ZEB1: variants seen among roughly 807,000 people sequenced by gnomAD.
ZEB1 encodes the protein zinc finger E-box-binding homeobox 1.
ZEB1 carries 21 observed loss-of-function variants against 84.9 expected under a neutral mutation model. The ratio of observed to expected loss-of-function variants is 0.25; its 90% CI spans 0.18 to 0.36. ZEB1 has a LOEUF of 0.36. Among genes scored for constraint, ZEB1 ranks in the 10% least tolerant of loss-of-function variants. The pLI is 1.00. For missense variants in ZEB1, 1,104 were observed against 1,330.2 expected, an observed-to-expected ratio of 0.83 and a Z score of 2.65; for synonymous variants, 420 against 471.1, an observed-to-expected ratio of 0.89 and a Z score of 1.41.
intron 2 of ZEB1, among the ~76,000 whole-genome samples, chr10:31,475,383 T>C (rs963454775): frequency 6.6e-6 from 1 of 152,142 alleles, no homozygotes; most frequent in African/African-American, 2.4e-5. Context: ...TTTGAGGGGA[T>C]AATTTAGGAA....
intron 8 of ZEB1, among the ~76,000 whole-genome samples, chr10:31,524,679 C>T (rs184271504): frequency 7.2e-4 from 109 of 151,744 alleles, no homozygotes; most frequent in African/African-American, 2.4e-3. Context: ...TTATTCTGTC[C>T]GCATTCATTT....
intron 1 of ZEB1, among the ~76,000 whole-genome samples, chr10:31,440,877 C>A (rs566959944): frequency 6.6e-6 from 1 of 152,138 alleles, no homozygotes; most frequent in Non-Finnish European, 1.5e-5. Context: ...TCAAGGAGAA[C>A]TACAAACCAC....
At chr10:31,340,185 A>G (rs183432982) in intron 1 of ZEB1, among the ~76,000 whole-genome samples, 4 of 152,258 alleles carry the variant, frequency 2.6e-5, no homozygotes, top group South Asian at 4.1e-4. Flanking sequence ...ATTGGGTTCA[A>G]TGAATTATCT....
intron 1 of ZEB1, among the ~76,000 whole-genome samples, chr10:31,353,796 T>TA (rs999114647): frequency 6.6e-6 from 1 of 152,208 alleles, no homozygotes; most frequent in African/African-American, 2.4e-5. Context: ...ATATTGGCAA[T>TA]ACATAGTTTT....
intron 2 of ZEB1, among the ~76,000 whole-genome samples, chr10:31,466,832 GAAGAT>G (rs1260496562): frequency 1.3e-5 from 2 of 152,072 alleles, no homozygotes; most frequent in East Asian, 3.9e-4. Flanking sequence ...AGTTTTTTGA[GAAGAT>G]AAAATCAACA....
At chr10:31,372,015 G>A (rs879637012) in intron 1 of ZEB1, among the ~76,000 whole-genome samples, 5 of 152,040 alleles carry the variant, frequency 3.3e-5, no homozygotes, top group Non-Finnish European at 7.4e-5. Flanking sequence ...ACATGCACAT[G>A]TATGTGAGAG....
At chr10:31,405,028 A>G (rs893602417) in intron 1 of ZEB1, among the ~76,000 whole-genome samples, 10 of 152,144 alleles carry the variant, frequency 6.6e-5, no homozygotes, top group Admixed American at 3.9e-4. Flanking sequence ...CTGAATTTTT[A>G]TTTTGCACTG....
chr10:31,465,922 G>C (rs894713948), intron 2 of ZEB1, among the ~76,000 whole-genome samples: 13 of 152,184 alleles, frequency 8.5e-5, no homozygotes, highest in African/African-American at 3.1e-4. Flanking sequence ...TAAGATGAAA[G>C]AGGAAGGTTG....
At chr10:31,349,360 C>T (rs954104493) in intron 1 of ZEB1, among the ~76,000 whole-genome samples, 3 of 152,136 alleles carry the variant, frequency 2.0e-5, no homozygotes, top group Non-Finnish European at 2.9e-5. Context: ...CTGGCTCTTA[C>T]GAATAATGCT....
intron 1 of ZEB1, among the ~76,000 whole-genome samples, chr10:31,346,037 A>G (rs2040248336): frequency 6.6e-6 from 1 of 152,188 alleles, no homozygotes; most frequent in Non-Finnish European, 1.5e-5. Context: ...TTACATCACA[A>G]GAGCTAGTTT....
intron 1 of ZEB1, among the ~76,000 whole-genome samples, chr10:31,446,000 CCT>C (rs1286657468): frequency 1.5e-5 from 2 of 131,600 alleles, no homozygotes. Flanking sequence ...GGTACCAGTT[CCT>C]CCTTGTACCT....
upstream of ZEB1, chr10:31,319,147 G>A (rs1196832391): frequency 8.1e-6 from 7 of 863,540 alleles, 1 homozygote; most frequent in South Asian, 4.4e-5. Flanking sequence ...CGGTGGGGAG[G>A]GGGGAGGGGT....
chr10:31,488,457 G>A (rs893115611), intron 2 of ZEB1, among the ~76,000 whole-genome samples: 1 of 149,866 alleles, frequency 6.7e-6, no homozygotes, highest in Non-Finnish European at 1.5e-5. Flanking sequence ...TTTGCTTACC[G>A]ATCCTACTAC....
At position 31,406,349 on chromosome 10, in the gene ZEB1, GC is replaced by G. The variant is rs1362632016; in HGVS notation, c.59-54687del. 2.0e-5 allele frequency among the ~76,000 whole-genome samples: 3 copies of G among 152,028 alleles called. No homozygotes were observed. The South Asian group carries it at 6.2e-4, about 32-fold the overall frequency. On this transcript the variant is annotated intron_variant, in intron 1 of 8. Transcript: ENST00000424869. ...TTCTTAGTTCTGCACATCCTCTCCA[GC>G]ATCTGTTGTTTCCTGACTTTTTAAT... is the stretch of plus-strand genomic sequence containing the variant.
chr10:31,409,056 A>T (rs1454420096), intron 1 of ZEB1, among the ~76,000 whole-genome samples: 1 of 152,220 alleles, frequency 6.6e-6, no homozygotes, highest in South Asian at 2.1e-4. Context: ...CAAGAAAAAA[A>T]CATACAACCC....
chr10:31,409,848 C>T (rs1257748932), intron 1 of ZEB1, among the ~76,000 whole-genome samples: 2 of 152,036 alleles, frequency 1.3e-5, no homozygotes, highest in African/African-American at 2.4e-5. Context: ...GTGATTTTTG[C>T]ACATTGATTT....
chr10:31,380,158 C>A (rs2047372730), intron 1 of ZEB1, among the ~76,000 whole-genome samples: 1 of 152,048 alleles, frequency 6.6e-6, no homozygotes, highest in Admixed American at 6.6e-5. Flanking sequence ...TTACCTCACT[C>A]ACCCCCAAAC....
At chr10:31,395,774 A>G (rs1181143466) in intron 1 of ZEB1, among the ~76,000 whole-genome samples, 1 of 152,196 alleles carries the variant, frequency 6.6e-6, no homozygotes, top group Non-Finnish European at 1.5e-5. Context: ...ACTTGTGGAA[A>G]ATTTTATGTG....
chr10:31,430,121 A>G (rs182513418), intron 1 of ZEB1, among the ~76,000 whole-genome samples: 84 of 152,326 alleles, frequency 5.5e-4, no homozygotes, highest in African/African-American at 1.9e-3. Context: ...ATATAATTGC[A>G]TATGATTTTG....
Sources: allele counts gnomAD v4.1 joint callset (sites outside exome capture counted in the v4.1 genomes callset), GRCh38; gene constraint gnomAD v4.1.1; transcripts MANE v1.5; gene names NCBI Gene and HGNC (gene_info 2026-07-23, HGNC 2026-07-21).